DNAH6: variants seen among roughly 807,000 people sequenced by gnomAD.
DNAH6 encodes the protein dynein axonemal heavy chain 6.
In DNAH6, 340 loss-of-function variants were observed where a neutral mutation model predicts 491.4. The ratio of observed to expected loss-of-function variants is 0.69; its 90% CI spans 0.63 to 0.76. DNAH6 has a LOEUF of 0.76. Among genes scored for constraint, DNAH6 ranks in the 30% least tolerant of loss-of-function variants. The probability of loss-of-function intolerance (pLI) is 0.00; values close to 1 mark genes in which losing one functional copy is unlikely to be tolerated. For synonymous variants in DNAH6, 1,603 were observed against 1,686.1 expected (o/e 0.95, Z 1.21); for missense variants, 4,443 against 4,972.2 (o/e 0.89, Z 3.20).
rs1280477382 is a variant in DNAH6, at chr2:84,611,658, C to T, written c.3295-16C>T. 1 of 1,542,856 alleles carries T rather than the reference C, an allele frequency of 6.5e-7. No individual in the cohort carries two copies. The highest frequency in any genetic ancestry group is 2.4e-5 in the East Asian group (1 of 40,840). ...TGGGGAATTAAAATTTGACAGTGTC[C>T]ATATTTTTCTCCTAGGAAGAGTGGC... On this transcript the variant is annotated splice_polypyrimidine_tract_variant and intron_variant, in intron 21 of 76. Transcript: ENST00000389394.
intron 34 of DNAH6, among the ~76,000 whole-genome samples, chr2:84,654,108 GAGAA>G (rs1328365762): frequency 6.6e-6 from 1 of 152,066 alleles, no homozygotes; most frequent in East Asian, 1.9e-4. Context: ...GAGGGAGAGA[GAGAA>G]AGAGAGAGAG....
chr2:84,545,425 AC>A (rs1481981985), intron 5 of DNAH6, among the ~76,000 whole-genome samples: 1 of 152,164 alleles, frequency 6.6e-6, no homozygotes, highest in African/African-American at 2.4e-5. Context: ...AAGTTATTTT[AC>A]CATCTTTCAT....
Position 84,785,709 on chromosome 2 carries a change from T to A in DNAH6, c.11053T>A (p.Trp3685Arg). Reference sequence around the variant, plus strand: ...TGAAGAAAATATACTTGGAAAAAAATGGAGACAAATAATATTTGGCATTTG... The same window carrying A: ...TGAAGAAAATATACTTGGAAAAAAAAGGAGACAAATAATATTTGGCATTTG... The part of the protein sequence containing the change: ...FFEENILGKK[W>R]RQIIFGICFF... The change falls in exon 67 of 77, where the codon TGG becomes AGG. Residue 3685 changes from tryptophan (W) to arginine (R), a missense_variant. Physicochemically the swap from Trp to Arg is moderately radical, Grantham distance 101. Around this residue, in one of 3 missense-constraint regions of DNAH6, gnomAD observed 1,463 missense variants for 1,656.6 expected, o/e 0.88. Transcript: ENST00000389394. The A allele has an allele frequency of 6.5e-7, 1 of 1,547,930 alleles. No homozygotes were observed. The highest frequency in any genetic ancestry group is 8.7e-7 in the Non-Finnish European group (1 of 1,145,790).
At chr2:84,514,527 TGTGA>T (rs994560702), upstream of DNAH6, among the ~76,000 whole-genome samples, 1 of 152,216 alleles carries the variant, frequency 6.6e-6, no homozygotes, top group Non-Finnish European at 1.5e-5. Flanking sequence ...GATGTGAACT[TGTGA>T]GTAACCATTT....
At chr2:84,691,567 T>C (rs1694848136) in intron 45 of DNAH6, among the ~76,000 whole-genome samples, 1 of 152,192 alleles carries the variant, frequency 6.6e-6, no homozygotes, top group Admixed American at 6.5e-5. Context: ...GGGAAGAGGT[T>C]GACAAACTAC....
At chr2:84,640,327 G>A (rs1689270471) in intron 31 of DNAH6, 103 bp from the exon 32 acceptor site, 2 of 727,972 alleles carry the variant, frequency 2.7e-6, no homozygotes, top group Middle Eastern at 4.0e-4. Context: ...ATAACAACTT[G>A]GAAAGTATAA....
chr2:84,696,153 A>G lies in DNAH6; in HGVS notation c.7525-1422A>G, dbSNP rs1026925461. Among the ~76,000 whole-genome samples the G allele has an allele frequency of 6.6e-5, 10 of 151,976 alleles. No individual in the cohort carries two copies. In the East Asian group the frequency reaches 1.3e-3, roughly 21 times the overall value. On this transcript the variant is annotated intron_variant, in intron 46 of 76. Transcript: ENST00000389394. ...TACATAATATAATTTCTAAGCTACAATTAATAGCTATATACTATATTTCAT... is the reference window on the plus strand; with the variant it reads ...TACATAATATAATTTCTAAGCTACAGTTAATAGCTATATACTATATTTCAT...
chr2:84,629,105 A>AT (rs759419974), intron 29 of DNAH6, among the ~76,000 whole-genome samples: 9 of 152,042 alleles, frequency 5.9e-5, no homozygotes, highest in Non-Finnish European at 1.2e-4. Flanking sequence ...CTATAGCTCT[A>AT]TTTTTTTAAT....
intron 74 of DNAH6, 83 bp from the exon 75 acceptor site, chr2:84,813,888 C>A: frequency 7.1e-7 from 1 of 1,415,168 alleles, no homozygotes; most frequent in Non-Finnish European, 9.7e-7. Flanking sequence ...AATGCCAGGG[C>A]AGCCTGGTTT....
chr2:84,791,239 G>C (rs1165698010), intron 68 of DNAH6, among the ~76,000 whole-genome samples: 1 of 150,322 alleles, frequency 6.7e-6, no homozygotes, highest in Non-Finnish European at 1.5e-5. Context: ...AACAAAACTT[G>C]TACACAAATG....
chr2:84,607,123 A>T, intron 21 of DNAH6, 28 bp downstream of exon 21: 1 of 1,542,514 alleles, frequency 6.5e-7, no homozygotes, highest in Non-Finnish European at 8.8e-7. Context: ...TGATTCATAC[A>T]CTCAGAGAAT....
intron 19 of DNAH6, 148 bp downstream of exon 19, chr2:84,604,699 A>G: frequency 1.5e-6 from 1 of 650,112 alleles, no homozygotes; most frequent in Non-Finnish European, 2.6e-6. Context: ...CTTACAACAG[A>G]TATTACTGTT....
intron 30 of DNAH6, among the ~76,000 whole-genome samples, chr2:84,636,468 T>G (rs1573310402): frequency 6.6e-6 from 1 of 152,150 alleles, no homozygotes; most frequent in Admixed American, 6.5e-5. Context: ...GGTTTCCAGG[T>G]TGATTGCAGA....
chr2:84,779,547 G>A (rs532744554), intron 64 of DNAH6, among the ~76,000 whole-genome samples: 2 of 152,234 alleles, frequency 1.3e-5, no homozygotes, highest in Non-Finnish European at 2.9e-5. Context: ...TGACAAATGG[G>A]TCTCTTGAAG....
At chr2:84,659,230 TAA>T in intron 37 of DNAH6, 61 bp downstream of exon 37, 1 of 966,148 alleles carries the variant, frequency 1.0e-6, no homozygotes, top group Non-Finnish European at 1.4e-6. Context: ...ATTTTAAGAT[TAA>T]AACTTTAAAA....
At position 84,633,123 on chromosome 2, in the gene DNAH6, G is replaced by A. The variant is rs148297298; in HGVS notation, c.4516-1381G>A. On this transcript the variant is annotated intron_variant, in intron 29 of 76. Coordinates refer to ENST00000389394, the MANE Select transcript of DNAH6 (RefSeq NM_001370.2). ...CACGGAGCAGCCAGTAAGTGAGAAA[G>A]CCCACATCGAATGCCAAATAATAAG... Among the ~76,000 whole-genome samples, 178 of 152,254 alleles carry A rather than the reference G, an allele frequency of 1.2e-3. 1 individual carries two copies. The highest frequency in any genetic ancestry group is 4.0e-3 in the African/African-American group (168 of 41,542).
intron 9 of DNAH6, 128 bp downstream of exon 9, chr2:84,550,185 C>A: frequency 1.3e-6 from 1 of 767,112 alleles, no homozygotes; most frequent in Non-Finnish European, 2.0e-6. Flanking sequence ...GCAGCGGCCC[C>A]CAACATTTTG....
chr2:84,713,957 AG>A (rs1339181732), intron 57 of DNAH6, among the ~76,000 whole-genome samples: 1 of 152,192 alleles, frequency 6.6e-6, no homozygotes, highest in African/African-American at 2.4e-5. Context: ...AGACTCTAGA[AG>A]AACCCCTACT....
chr2:84,562,990 C>T (rs375391545), intron 11 of DNAH6, among the ~76,000 whole-genome samples: 3 of 152,064 alleles, frequency 2.0e-5, no homozygotes, highest in African/African-American at 4.8e-5. Context: ...CGGGTTTTCC[C>T]GTGCTGTTCT....
Sources: gnomAD v4.1 joint callset for allele counts (sites outside exome capture counted in the v4.1 genomes callset) on GRCh38, gnomAD v4.1.1 for gene constraint, gnomAD v4.1.1 regional missense constraint, MANE v1.5 for transcripts, NCBI Gene and HGNC (gene_info 2026-07-23, HGNC 2026-07-21) for gene names.